Variants in NOS1AP observed in about 807,000 individuals in gnomAD.
NOS1AP encodes carboxyl-terminal PDZ ligand of neuronal nitric oxide synthase protein.
NOS1AP carries 21 observed loss-of-function variants against 56.2 expected under a neutral mutation model. That is an observed-to-expected ratio of 0.37 (90% CI 0.26 to 0.54). The LOEUF is 0.54. Ranked by LOEUF, NOS1AP falls within the 20% of genes least tolerant of loss-of-function variation. The pLI, the probability that NOS1AP is intolerant of heterozygous loss-of-function variation, is 0.84. For synonymous variants in NOS1AP, 270 were observed against 274.6 expected, an observed-to-expected ratio of 0.98 and a Z score of 0.17; for missense variants, 522 against 657.8, an observed-to-expected ratio of 0.79 and a Z score of 2.26.
At chr1:162,209,872 G>A (rs1036519049) in intron 2 of NOS1AP, among the ~76,000 whole-genome samples, 1 of 152,094 alleles carries the variant, frequency 6.6e-6, no homozygotes, top group Non-Finnish European at 1.5e-5. Flanking sequence ...CTGGTCATCA[G>A]TGTTGTTGGA....
chr1:162,174,598 AAC>A (rs1205696858), intron 2 of NOS1AP, among the ~76,000 whole-genome samples: 3 of 152,322 alleles, frequency 2.0e-5, no homozygotes, highest in Non-Finnish European at 2.9e-5. Flanking sequence ...TCTATTATAA[AAC>A]AGTTTTAGGT....
intron 4 of NOS1AP, among the ~76,000 whole-genome samples, chr1:162,307,549 A>G (rs1287559043): frequency 1.3e-5 from 2 of 152,208 alleles, no homozygotes; most frequent in African/African-American, 4.8e-5. Context: ...CATGCCTGTA[A>G]TCCCAGCACT....
chr1:162,133,778 C>G (rs753370866), intron 1 of NOS1AP, among the ~76,000 whole-genome samples: 16 of 152,178 alleles, frequency 1.1e-4, no homozygotes, highest in Admixed American at 1.3e-4. Flanking sequence ...TAAATGTTTT[C>G]TCCAGCTTTT....
At chr1:162,217,266 G>GTTTTTTTTTTTTTTTTTTTTTTTT (rs1557836281) in intron 2 of NOS1AP, among the ~76,000 whole-genome samples, 1 of 18,290 alleles carries the variant, frequency 5.5e-5, no homozygotes, top group African/African-American at 1.5e-4. Flanking sequence ...GCTGTTGTTA[G>GTTTTTTTTTTTTTTTTTTTTTTTT]CTTTTTTTTT....
At chr1:162,099,197 G>GTTT (rs71581447) in intron 1 of NOS1AP, among the ~76,000 whole-genome samples, 2 of 141,380 alleles carry the variant, frequency 1.4e-5, no homozygotes, top group Non-Finnish European at 3.0e-5. Flanking sequence ...CTTTTTTTTT[G>GTTT]TTTTTTTTTT....
intron 5 of NOS1AP, among the ~76,000 whole-genome samples, chr1:162,335,142 T>C (rs1656899117): frequency 6.6e-6 from 1 of 152,232 alleles, no homozygotes; most frequent in South Asian, 2.1e-4. Context: ...TGTCAATTTT[T>C]TTTCCATGTC....
At chr1:162,186,418 C>CAA (rs555138575) in intron 2 of NOS1AP, among the ~76,000 whole-genome samples, 3 of 148,638 alleles carry the variant, frequency 2.0e-5, no homozygotes, top group Non-Finnish European at 3.0e-5. Flanking sequence ...CAAAACAAAA[C>CAA]AAAAAAAAAC....
intron 2 of NOS1AP, among the ~76,000 whole-genome samples, chr1:162,237,285 T>G (rs1653328461): frequency 6.6e-6 from 1 of 152,234 alleles, no homozygotes. Flanking sequence ...AATGTTGACT[T>G]CAATCCAGTA....
intron 2 of NOS1AP, among the ~76,000 whole-genome samples, chr1:162,248,607 C>T (rs1378956166): frequency 6.6e-6 from 1 of 152,118 alleles, no homozygotes; most frequent in Admixed American, 6.6e-5. Context: ...CCTTATGACC[C>T]TTTAGCCTCA....
chr1:162,217,183 A>G (rs945505674), intron 2 of NOS1AP, among the ~76,000 whole-genome samples: 1 of 151,266 alleles, frequency 6.6e-6, no homozygotes, highest in African/African-American at 2.4e-5. Flanking sequence ...ATACGACTCA[A>G]ACTCTTTTGT....
At chr1:162,140,940 T>C (rs1232523366) in intron 1 of NOS1AP, among the ~76,000 whole-genome samples, 1 of 152,252 alleles carries the variant, frequency 6.6e-6, no homozygotes, top group East Asian at 1.9e-4. Flanking sequence ...TGTCTTCTTT[T>C]GAGAAGTGTC....
intron 4 of NOS1AP, among the ~76,000 whole-genome samples, chr1:162,324,343 G>A (rs897248346): frequency 5.3e-5 from 8 of 149,808 alleles, no homozygotes; most frequent in Admixed American, 2.0e-4. Flanking sequence ...GAAATTATGA[G>A]TGTTGGAGAG....
At position 162,178,762 on chromosome 1, in the gene NOS1AP, G is replaced by A. The variant is rs191684122; in HGVS notation, c.177+24286G>A. On this transcript the variant is annotated intron_variant, in intron 2 of 9. Coordinates refer to ENST00000361897, the MANE Select transcript of NOS1AP (RefSeq NM_014697.3). ...AGTTTATGAACAGTGGAAGAAAAAG[G>A]TTTCTTTCTCTGTGTGAAAGTTGTA... 2.4e-3 allele frequency among the ~76,000 whole-genome samples: 364 copies of A among 152,350 alleles called. 2 individuals are homozygous for A. The highest frequency in any genetic ancestry group is 0.014 in the Middle Eastern group (4 of 294).
chr1:162,342,550 G>C (rs768855095), intron 5 of NOS1AP: 2 of 484,450 alleles, frequency 4.1e-6, no homozygotes, highest in South Asian at 3.0e-5. Flanking sequence ...CACAAAGATA[G>C]TAATAAGAAA....
intron 8 of NOS1AP, 172 bp downstream of exon 8, chr1:162,357,308 G>A (rs1390296494): frequency 1.7e-5 from 21 of 1,228,596 alleles, no homozygotes; most frequent in Non-Finnish European, 2.0e-5. Flanking sequence ...GGATAGATGG[G>A]GGATGCAGTT....
chr1:162,117,440 A>G (rs181645915), intron 1 of NOS1AP, among the ~76,000 whole-genome samples: 1 of 152,280 alleles, frequency 6.6e-6, no homozygotes, highest in Admixed American at 6.5e-5. Flanking sequence ...ACAGGGATGC[A>G]TGAATTCAGG....
At chr1:162,217,559 C>G (rs1157919031) in intron 2 of NOS1AP, among the ~76,000 whole-genome samples, 6 of 152,228 alleles carry the variant, frequency 3.9e-5, no homozygotes, top group African/African-American at 1.4e-4. Context: ...GCCACTGTGC[C>G]TGGCCTTGTT....
At chr1:162,113,692 A>T (rs535590157) in intron 1 of NOS1AP, among the ~76,000 whole-genome samples, 2 of 152,222 alleles carry the variant, frequency 1.3e-5, no homozygotes, top group East Asian at 3.9e-4. Context: ...ACTCTGTATC[A>T]CCAGAACAGC....
At chr1:162,344,890 A>T (rs1276597596) in intron 6 of NOS1AP, among the ~76,000 whole-genome samples, 1 of 152,230 alleles carries the variant, frequency 6.6e-6, no homozygotes, top group Non-Finnish European at 1.5e-5. Flanking sequence ...TCAATAACAC[A>T]TACAGCTATA....
Sources: gnomAD v4.1 joint callset for allele counts (sites outside exome capture counted in the v4.1 genomes callset) on GRCh38, gnomAD v4.1.1 for gene constraint, MANE v1.5 for transcripts, NCBI Gene and HGNC (gene_info 2026-07-23, HGNC 2026-07-21) for gene names.